NRXN3: variants seen among roughly 807,000 people sequenced by gnomAD.
NRXN3 encodes the protein neurexin III.
NRXN3 carries 32 observed loss-of-function variants against 137.6 expected under a neutral mutation model. That is an observed-to-expected ratio of 0.23 (90% CI 0.18 to 0.31). NRXN3 has a LOEUF of 0.31. NRXN3 is among the 10% of genes least tolerant of loss of function. The pLI is 1.00. For synonymous variants in NRXN3, 798 were observed against 784.5 expected, an observed-to-expected ratio of 1.02 and a Z score of -0.29; for missense variants, 1,574 against 2,062.5, an observed-to-expected ratio of 0.76 and a Z score of 4.59.
intron 10 of NRXN3, among the ~76,000 whole-genome samples, chr14:78,939,447 C>G (rs2099348809): frequency 6.6e-6 from 1 of 152,216 alleles, no homozygotes; most frequent in Admixed American, 6.5e-5. Context: ...TTGGTTCCCT[C>G]TCTGCCATAT....
At chr14:78,839,368 G>A (rs758961683) in intron 10 of NRXN3, among the ~76,000 whole-genome samples, 4 of 152,202 alleles carry the variant, frequency 2.6e-5, no homozygotes, top group Non-Finnish European at 5.9e-5. Context: ...TCAGATAATG[G>A]AGGACACAGT....
intron 4 of NRXN3, among the ~76,000 whole-genome samples, chr14:78,596,270 T>C (rs2097157436): frequency 6.6e-6 from 1 of 152,074 alleles, no homozygotes; most frequent in Admixed American, 6.5e-5. Context: ...TTTCCCAAGC[T>C]CTCTTCACTA....
intron 1 of NRXN3, among the ~76,000 whole-genome samples, chr14:78,187,574 C>T (rs537963780): frequency 6.6e-6 from 1 of 152,078 alleles, no homozygotes; most frequent in Non-Finnish European, 1.5e-5. Flanking sequence ...CACTCTGGTT[C>T]TGGTATATAG....
intron 15 of NRXN3, among the ~76,000 whole-genome samples, chr14:79,084,602 C>A (rs1484893955): frequency 6.6e-6 from 1 of 152,154 alleles, no homozygotes; most frequent in African/African-American, 2.4e-5. Context: ...CTATGCCCCT[C>A]TGCTGTTTGG....
chr14:78,175,117 C>T (rs370331868), intron 1 of NRXN3, among the ~76,000 whole-genome samples: 17 of 152,178 alleles, frequency 1.1e-4, no homozygotes, highest in East Asian at 9.6e-4. Flanking sequence ...CGCCATTTTC[C>T]CATCTTCAGC....
chr14:78,394,983 C>T (rs2091280731), intron 4 of NRXN3, among the ~76,000 whole-genome samples: 1 of 151,736 alleles, frequency 6.6e-6, no homozygotes, highest in Admixed American at 6.6e-5. Flanking sequence ...TTGCAAGATG[C>T]TTGTTGATTT....
rs571431008 is a variant in NRXN3 at position 79,656,300 on chromosome 14, T to G, written c.3445-7478T>G. Among the ~76,000 whole-genome samples, 43 of 152,270 alleles carry G rather than the reference T, an allele frequency of 2.8e-4. 1 individual carries two copies. In the South Asian group the frequency reaches 8.5e-3, roughly 30 times the overall value. The stretch of plus-strand genomic sequence containing the variant: ...GCCCTGCCAGCTGTCACCTGAGTCC[T>G]GCCAGGAGACTGCTCCAGGTCTTGG... On this transcript the variant is annotated intron_variant, in intron 16 of 20. Coordinates refer to ENST00000335750, the MANE Select transcript of NRXN3 (RefSeq NM_001330195.2).
intron 8 of NRXN3, among the ~76,000 whole-genome samples, chr14:78,745,587 T>G (rs2098603338): frequency 1.3e-5 from 2 of 152,228 alleles, no homozygotes; most frequent in South Asian, 4.1e-4. Context: ...ATATCTATAT[T>G]TTCTAGTGGT....
At chr14:79,849,988 C>T (rs1410756488) in intron 20 of NRXN3, among the ~76,000 whole-genome samples, 1 of 152,166 alleles carries the variant, frequency 6.6e-6, no homozygotes, top group East Asian at 1.9e-4. Context: ...TCTCTACTTT[C>T]GTTCTAAGTC....
intron 16 of NRXN3, among the ~76,000 whole-genome samples, chr14:79,513,191 A>G (rs989149713): frequency 3.9e-5 from 6 of 152,356 alleles, no homozygotes; most frequent in Middle Eastern, 3.4e-3. Context: ...AACATTGGAA[A>G]GCTATCTTTT....
intron 4 of NRXN3, among the ~76,000 whole-genome samples, chr14:78,488,402 C>T (rs2095603658): frequency 6.6e-6 from 1 of 152,132 alleles, no homozygotes. Flanking sequence ...GATCTAAAGC[C>T]CTGCTCTGCA....
intron 15 of NRXN3, among the ~76,000 whole-genome samples, chr14:79,255,565 T>G (rs2153385694): frequency 6.6e-6 from 1 of 152,376 alleles, no homozygotes; most frequent in African/African-American, 2.4e-5. Context: ...GTTGTTGCAT[T>G]AAATGAGATA....
At chr14:79,288,478 T>A (rs1032988577) in intron 15 of NRXN3, among the ~76,000 whole-genome samples, 1 of 152,246 alleles carries the variant, frequency 6.6e-6, no homozygotes, top group Non-Finnish European at 1.5e-5. Flanking sequence ...CTCTTCCAAA[T>A]GCTTTACATA....
At chr14:79,666,800 A>C (rs1455050166) in intron 17 of NRXN3, among the ~76,000 whole-genome samples, 1 of 152,100 alleles carries the variant, frequency 6.6e-6, no homozygotes, top group Non-Finnish European at 1.5e-5. Context: ...TCCTCATTTA[A>C]AAGTTTTATT....
intron 4 of NRXN3, among the ~76,000 whole-genome samples, chr14:78,298,922 T>C (rs2076615507): frequency 6.6e-6 from 1 of 152,184 alleles, no homozygotes; most frequent in Non-Finnish European, 1.5e-5. Context: ...CCATCAGACA[T>C]TTTTGACATA....
intron 10 of NRXN3, among the ~76,000 whole-genome samples, chr14:78,894,534 C>A (rs1256378814): frequency 6.6e-6 from 1 of 151,996 alleles, no homozygotes; most frequent in East Asian, 1.9e-4. Flanking sequence ...GTTTTGAACC[C>A]TTCAGCCATC....
At chr14:78,415,452 G>A (rs574591983) in intron 4 of NRXN3, among the ~76,000 whole-genome samples, 2 of 152,236 alleles carry the variant, frequency 1.3e-5, no homozygotes, top group Non-Finnish European at 2.9e-5. Flanking sequence ...CGTCCAGTTA[G>A]TTATATTTCA....
intron 16 of NRXN3, among the ~76,000 whole-genome samples, chr14:79,610,527 C>T (rs1453941167): frequency 6.6e-6 from 1 of 152,232 alleles, no homozygotes; most frequent in African/African-American, 2.4e-5. Flanking sequence ...GCACTAGCTA[C>T]TAAACCTGTG....
chr14:79,400,869 C>T (rs183511960), intron 15 of NRXN3, among the ~76,000 whole-genome samples: 9 of 152,228 alleles, frequency 5.9e-5, no homozygotes, highest in Admixed American at 2.0e-4. Flanking sequence ...TATAGCCCCC[C>T]GTAACAAGCC....
Sources: allele counts gnomAD v4.1 joint callset (sites outside exome capture counted in the v4.1 genomes callset), GRCh38; gene constraint gnomAD v4.1.1; transcripts MANE v1.5; gene names NCBI Gene and HGNC (gene_info 2026-07-23, HGNC 2026-07-21).